CCDC148: variants seen among roughly 807,000 people sequenced by gnomAD.
CCDC148 encodes the protein coiled-coil domain containing 148.
A neutral mutation model predicts 85.7 loss-of-function variants in CCDC148; 89 were observed. The observed-to-expected ratio is 1.04, with a 90% CI of 0.87 to 1.24. CCDC148 has a LOEUF of 1.24. Ranked by LOEUF, CCDC148 falls within the 50% of genes most tolerant of loss-of-function variation. The pLI, the probability that CCDC148 is intolerant of heterozygous loss-of-function variation, is 0.00. For missense variants in CCDC148, 692 were observed against 671.7 expected (o/e 1.03, Z -0.33); for synonymous variants, 230 against 213.9 (o/e 1.08, Z -0.66).
chr2:158,389,289 C>T (rs1685210516), intron 1 of CCDC148, among the ~76,000 whole-genome samples: 1 of 152,100 alleles, frequency 6.6e-6, no homozygotes, highest in Non-Finnish European at 1.5e-5. Flanking sequence ...ACCAAATAGT[C>T]CTTCAATGAA....
intron 11 of CCDC148, among the ~76,000 whole-genome samples, chr2:158,194,171 A>T (rs1211679549): frequency 6.6e-6 from 1 of 152,070 alleles, no homozygotes; most frequent in Non-Finnish European, 1.5e-5. Flanking sequence ...GGTGTTGGCA[A>T]TTTTTTTAAA....
intron 1 of CCDC148, among the ~76,000 whole-genome samples, chr2:158,408,534 C>T (rs968651240): frequency 4.6e-5 from 7 of 152,098 alleles, no homozygotes; most frequent in African/African-American, 1.7e-4. Context: ...CCTCCAGTTT[C>T]ATCCATGTAG....
rs563477770 is a variant in CCDC148 at position 158,331,479 on chromosome 2, T to C, written c.764+7247A>G. Among the ~76,000 whole-genome samples the C allele has an allele frequency of 7.4e-3, 1,127 of 152,310 alleles. 20 individuals carry two copies. Among genetic ancestry groups the C allele is most frequent in the African/African-American group, 0.026 (1,075 of 41,558 alleles). On this transcript the variant is annotated intron_variant, in intron 7 of 13. Transcript: ENST00000283233. ...GGTGTGGTGCTGAGAAGAATGTATA[T>C]TCTGTTGATTTGGGGTGGAGAGTTC...
At chr2:158,284,015 C>A (rs1455474307) in intron 9 of CCDC148, among the ~76,000 whole-genome samples, 2 of 149,276 alleles carry the variant, frequency 1.3e-5, no homozygotes, top group African/African-American at 4.9e-5. Context: ...TCTCAGTAAA[C>A]TATCGTAAGA....
At chr2:158,329,820 T>C (rs1456803199) in intron 7 of CCDC148, among the ~76,000 whole-genome samples, 16 of 152,216 alleles carry the variant, frequency 1.1e-4, no homozygotes, top group Non-Finnish European at 2.2e-4. Flanking sequence ...TGTCTGTTAT[T>C]GGTGTATAAG....
At position 158,282,956 on chromosome 2, in the gene CCDC148, GC is replaced by G. The variant is rs1690405599; in HGVS notation, c.1110+26476del. ...ATATAGATCAATGGAACAGAACAGA[GC>G]CCTCGGAAATAACGCTGCATATCTA... is the stretch of plus-strand genomic sequence containing the variant. On this transcript the variant is annotated intron_variant, in intron 9 of 13. Transcript: ENST00000283233. Among the ~76,000 whole-genome samples, 3 of 152,276 alleles carry G rather than the reference GC, an allele frequency of 2.0e-5. 1 individual carries two copies. In the South Asian group the frequency reaches 6.2e-4, roughly 32 times the overall value.
At chr2:158,442,000 T>C (rs1014279578) in intron 1 of CCDC148, among the ~76,000 whole-genome samples, 3 of 152,178 alleles carry the variant, frequency 2.0e-5, no homozygotes, top group Admixed American at 2.0e-4. Flanking sequence ...AAAACCTACA[T>C]ACTTCAATAT....
intron 10 of CCDC148, among the ~76,000 whole-genome samples, chr2:158,234,932 C>T (rs78200986): frequency 0.012 from 1,891 of 152,092 alleles, 49 homozygotes; most frequent in African/African-American, 0.043. Flanking sequence ...AAATTATCTA[C>T]AATGGACATA....
chr2:158,370,160 T>A (rs957210488), intron 1 of CCDC148, among the ~76,000 whole-genome samples: 2 of 151,998 alleles, frequency 1.3e-5, no homozygotes, highest in Non-Finnish European at 2.9e-5. Flanking sequence ...AGTATCAGGA[T>A]AGACAGCTAA....
intron 1 of CCDC148, among the ~76,000 whole-genome samples, chr2:158,403,397 A>C (rs949742756): frequency 6.6e-6 from 1 of 152,018 alleles, no homozygotes; most frequent in Non-Finnish European, 1.5e-5. Flanking sequence ...ACATACAGAC[A>C]CCTTCTCCAG....
intron 2 of CCDC148, among the ~76,000 whole-genome samples, chr2:158,355,046 T>A (rs1207501746): frequency 1.3e-5 from 2 of 152,206 alleles, no homozygotes; most frequent in Non-Finnish European, 2.9e-5. Context: ...TGCTAAAAAC[T>A]CTCAATAAAT....
chr2:158,251,623 AAAAGTCT>A (rs1688797338), intron 9 of CCDC148, among the ~76,000 whole-genome samples: 2 of 151,970 alleles, frequency 1.3e-5, no homozygotes, highest in African/African-American at 4.8e-5. Context: ...GAAAAATCGA[AAAAGTCT>A]AAAGTCTGGC....
chr2:158,286,574 A>G (rs1690635226), intron 9 of CCDC148, among the ~76,000 whole-genome samples: 1 of 152,228 alleles, frequency 6.6e-6, no homozygotes, highest in Non-Finnish European at 1.5e-5. Flanking sequence ...ACAACAAGGT[A>G]GGAGGGCATT....
intron 9 of CCDC148, among the ~76,000 whole-genome samples, chr2:158,261,593 T>C (rs2105152703): frequency 6.6e-6 from 1 of 151,890 alleles, no homozygotes; most frequent in South Asian, 2.1e-4. Flanking sequence ...ACCTACAGAA[T>C]GGGAGAAAAT....
At chr2:158,358,600 A>G (rs1683781336) in intron 1 of CCDC148, 30 bp from the exon 2 acceptor site, 2 of 1,455,298 alleles carry the variant, frequency 1.4e-6, no homozygotes, top group Non-Finnish European at 1.8e-6. Flanking sequence ...AAAAATGACA[A>G]AGAAAGAATA....
intron 3 of CCDC148, among the ~76,000 whole-genome samples, chr2:158,341,215 C>T (rs751738432): frequency 6.0e-5 from 9 of 151,178 alleles, no homozygotes; most frequent in Admixed American, 2.6e-4. Context: ...CGTATGTGTA[C>T]GTACATATGT....
chr2:158,366,033 A>C (rs1323072434), intron 1 of CCDC148: 1 of 1,542,584 alleles, frequency 6.5e-7, no homozygotes, highest in Admixed American at 2.0e-5. Flanking sequence ...CATTTCTCTG[A>C]ATTGTCATGA....
At chr2:158,280,125 A>T (rs1005220130) in intron 9 of CCDC148, among the ~76,000 whole-genome samples, 2 of 152,210 alleles carry the variant, frequency 1.3e-5, no homozygotes, top group Non-Finnish European at 2.9e-5. Flanking sequence ...TCCTGAAGGA[A>T]GCACTAAACA....
chr2:158,360,121 T>C (rs1052945861), intron 1 of CCDC148, among the ~76,000 whole-genome samples: 8 of 152,228 alleles, frequency 5.3e-5, no homozygotes, highest in African/African-American at 1.9e-4. Flanking sequence ...AGACTACTTC[T>C]GTAGATTCCT....
Sources: allele counts gnomAD v4.1 joint callset (sites outside exome capture counted in the v4.1 genomes callset), GRCh38; gene constraint gnomAD v4.1.1; transcripts MANE v1.5; gene names NCBI Gene and HGNC (gene_info 2026-07-23, HGNC 2026-07-21).